SYNJ1: variants seen among roughly 807,000 people sequenced by gnomAD.
The protein encoded by SYNJ1 is polyphosphatidylinositol phosphatase SYNJ1.
SYNJ1 carries 78 observed loss-of-function variants against 168.2 expected under a neutral mutation model. The observed-to-expected ratio is 0.46, with a 90% CI of 0.39 to 0.56. The LOEUF (loss-of-function observed/expected upper bound fraction) is 0.56, where lower values mean the gene tolerates loss of function less well. SYNJ1 is among the 20% of genes least tolerant of loss of function. The pLI is 0.00. For missense variants in SYNJ1, 1,303 were observed against 1,597.6 expected (o/e 0.82, Z 3.14); for synonymous variants, 539 against 548.6 (o/e 0.98, Z 0.24).
intron 7 of SYNJ1, among the ~76,000 whole-genome samples, chr21:32,687,320 T>G (rs960973423): frequency 2.0e-5 from 3 of 152,224 alleles, no homozygotes; most frequent in Non-Finnish European, 2.9e-5. Flanking sequence ...GCATCCAGCT[T>G]CTGCCCACTC....
intron 22 of SYNJ1, 81 bp downstream of exon 22, chr21:32,653,207 T>G: frequency 9.0e-7 from 1 of 1,105,236 alleles, no homozygotes; most frequent in South Asian, 1.4e-5. Context: ...TAGATAATCT[T>G]GCTGCATGTC....
At chr21:32,712,906 A>G (rs934781131) in intron 2 of SYNJ1, among the ~76,000 whole-genome samples, 1 of 152,202 alleles carries the variant, frequency 6.6e-6, no homozygotes, top group Non-Finnish European at 1.5e-5. Context: ...ATATACTGTG[A>G]TCCAGCAATT....
rs1470400490 is a variant in SYNJ1 at position 32,684,066 on chromosome 21, T to C, written c.1172A>G (p.Asn391Ser). Residue 391 changes from asparagine to serine, a missense_variant, in exon 10 of 33, where the codon AAT becomes AGT. Coordinates refer to ENST00000674351, the MANE Select transcript of SYNJ1 (RefSeq NM_203446.3). The part of the protein sequence containing the change: ...TNCLDCLDRT[N>S]SVQAFLGLEM... ...TAAGCCAAGAAATGCCTGCACACTA[T>C]TTGTTCTATCAAGACAATCCAAGCA... 2 of 1,613,704 alleles carry C rather than the reference T, an allele frequency of 1.2e-6. No individual in the cohort carries two copies. The highest frequency in any genetic ancestry group is 2.2e-5 in the East Asian group (1 of 44,784).
chr21:32,669,430 C>T (rs1261856298), intron 15 of SYNJ1, among the ~76,000 whole-genome samples: 2 of 152,022 alleles, frequency 1.3e-5, no homozygotes, highest in Admixed American at 6.6e-5. Context: ...ATGCAGTTAC[C>T]AATGCTGGTA....
intron 22 of SYNJ1, 41 bp from the exon 23 acceptor site, chr21:32,650,387 A>T (rs1209920809): frequency 6.5e-7 from 1 of 1,546,540 alleles, no homozygotes. Flanking sequence ...ATTAACATGA[A>T]AGCTAACTAA....
At chr21:32,694,122 A>T (rs1449901717) in intron 6 of SYNJ1, 106 bp downstream of exon 6, 2 of 708,792 alleles carry the variant, frequency 2.8e-6, no homozygotes, top group Non-Finnish European at 4.2e-6. Context: ...ACATTATTAG[A>T]TGGAATAATG....
intron 22 of SYNJ1, among the ~76,000 whole-genome samples, chr21:32,650,914 T>C (rs1041900322): frequency 1.3e-5 from 2 of 152,206 alleles, no homozygotes; most frequent in African/African-American, 2.4e-5. Context: ...CAACAAAAAT[T>C]AATCATTCTA....
rs1251204716 is a variant in SYNJ1, at chr21:32,646,390, T to TA, written c.3247+2dup. On this transcript the variant is annotated splice_region_variant and intron_variant, in intron 24 of 32. Coordinates refer to ENST00000674351, the MANE Select transcript of SYNJ1 (RefSeq NM_203446.3). The stretch of plus-strand genomic sequence containing the variant: ...ATACAAAACTTTCAAATAAAATGCA[T>TA]ACTCTGTGCACTGGGAGGCCCAGGA... 1.7e-5 allele frequency: 28 copies of TA among 1,613,454 alleles called. No individual in the cohort carries two copies. The South Asian group carries it at 3.0e-4, about 17-fold the overall frequency.
intron 6 of SYNJ1, among the ~76,000 whole-genome samples, chr21:32,689,670 T>C (rs939303432): frequency 1.3e-5 from 2 of 152,168 alleles, no homozygotes; most frequent in African/African-American, 2.4e-5. Context: ...AACCAGAAAA[T>C]AAACTCTAAT....
At chr21:32,676,246 A>T (rs2041403658) in intron 13 of SYNJ1, 86 bp downstream of exon 13, 2 of 1,074,386 alleles carry the variant, frequency 1.9e-6, no homozygotes, top group African/African-American at 3.3e-5. Flanking sequence ...GTTTCCAATT[A>T]TATGGCTTTA....
At chr21:32,672,082 A>AAAG (rs1470350534) in intron 14 of SYNJ1, among the ~76,000 whole-genome samples, 2 of 96,202 alleles carry the variant, frequency 2.1e-5, no homozygotes, top group Admixed American at 1.1e-4. Context: ...AAAAAAAAAA[A>AAAG]AAGAAAAAGA....
Position 32,673,205 on chromosome 21 carries a change from G to C in SYNJ1, c.1726+135C>G, listed in dbSNP as rs957204732. Reference sequence around the variant, plus strand: ...TTTAATAGATGTGATCTTTAAAGATGTTGTTGGTCTTCAAATGTATAGCTC... The same window carrying C: ...TTTAATAGATGTGATCTTTAAAGATCTTGTTGGTCTTCAAATGTATAGCTC... On this transcript the variant is annotated intron_variant, in intron 14 of 32. Coordinates refer to ENST00000674351, the MANE Select transcript of SYNJ1 (RefSeq NM_203446.3). 2.1e-5 allele frequency: 13 copies of C among 619,984 alleles called. No homozygotes were observed. The African/African-American group carries it at 2.5e-4, about 12-fold the overall frequency. 38.4% of individuals were successfully genotyped at this position (619,984 alleles called of 1,614,324 possible).
chr21:32,703,469 T>G (rs1241953089), intron 2 of SYNJ1, among the ~76,000 whole-genome samples: 3 of 152,216 alleles, frequency 2.0e-5, no homozygotes, highest in Non-Finnish European at 4.4e-5. Context: ...TAGAATTGCC[T>G]TCTAAATACT....
chr21:32,658,018 G>T, intron 18 of SYNJ1, 146 bp from the exon 19 acceptor site: 1 of 621,036 alleles, frequency 1.6e-6, no homozygotes, highest in Non-Finnish European at 2.8e-6. Context: ...CTAGCTGAAT[G>T]GAACAAAGCT....
At chr21:32,638,525 T>C (rs577261138) in intron 31 of SYNJ1, among the ~76,000 whole-genome samples, 1 of 152,030 alleles carries the variant, frequency 6.6e-6, no homozygotes, top group Non-Finnish European at 1.5e-5. Context: ...GGTGAAACCC[T>C]GTCTCTACCA....
At chr21:32,650,043 C>T (rs749814254) in intron 23 of SYNJ1, 141 bp downstream of exon 23, 5 of 1,048,272 alleles carry the variant, frequency 4.8e-6, no homozygotes, top group Non-Finnish European at 6.5e-6. Context: ...AGCTGCCGCA[C>T]CTGGCCAAAA....
At chr21:32,665,845 G>T in intron 17 of SYNJ1, 98 bp downstream of exon 17, 1 of 1,201,614 alleles carries the variant, frequency 8.3e-7, no homozygotes, top group South Asian at 1.6e-5. Flanking sequence ...ATGTTTCTAG[G>T]AACTATCTTA....
Position 32,631,175 on chromosome 21 carries a change from G to A in SYNJ1, c.*630C>T. On this transcript the variant is annotated 3_prime_UTR_variant, in exon 33 of 33. Transcript: ENST00000674351. ...TCCAGTCATCATTCAATGTCAGGTT[G>A]GAGCCAGAAAATGAACTTGGCTGAT... is the stretch of plus-strand genomic sequence containing the variant. The A allele has an allele frequency of 6.2e-7, 1 of 1,614,186 alleles. No individual in the cohort carries two copies. The highest frequency in any genetic ancestry group is 8.5e-7 in the Non-Finnish European group (1 of 1,180,042).
At chr21:32,724,349 G>A (rs776024133) in intron 2 of SYNJ1, among the ~76,000 whole-genome samples, 10 of 152,050 alleles carry the variant, frequency 6.6e-5, no homozygotes, top group Non-Finnish European at 1.2e-4. Context: ...TTAGCAAGGC[G>A]TGGTGGCACA....
Sources: allele counts gnomAD v4.1 joint callset (sites outside exome capture counted in the v4.1 genomes callset), GRCh38; gene constraint gnomAD v4.1.1; transcripts MANE v1.5; gene names NCBI Gene and HGNC (gene_info 2026-07-23, HGNC 2026-07-21).